Variants in ERBB4 observed in about 807,000 individuals in gnomAD.
The protein encoded by ERBB4 is receptor tyrosine-protein kinase erbB-4.
A neutral mutation model predicts 158.0 loss-of-function variants in ERBB4; 42 were observed. That is an observed-to-expected ratio of 0.27 (90% confidence interval 0.21 to 0.34). ERBB4 has a LOEUF of 0.34. ERBB4 is among the 10% of genes least tolerant of loss of function. The pLI is 1.00. For synonymous variants in ERBB4, 583 were observed against 558.7 expected, an observed-to-expected ratio of 1.04 and a Z score of -0.61; for missense variants, 1,333 against 1,624.1, an observed-to-expected ratio of 0.82 and a Z score of 3.08.
At chr2:212,367,776 C>A (rs1205131351) in intron 1 of ERBB4, among the ~76,000 whole-genome samples, 1 of 151,904 alleles carries the variant, frequency 6.6e-6, no homozygotes, top group Non-Finnish European at 1.5e-5. Flanking sequence ...GAGCTAAGGG[C>A]ATGAATAGAC....
intron 2 of ERBB4, among the ~76,000 whole-genome samples, chr2:211,962,767 G>C (rs1433767536): frequency 6.6e-6 from 1 of 152,056 alleles, no homozygotes; most frequent in Non-Finnish European, 1.5e-5. Flanking sequence ...TGACTTACTG[G>C]ATGTGGGAAT....
intron 7 of ERBB4, among the ~76,000 whole-genome samples, chr2:211,720,057 C>T (rs572220067): frequency 4.7e-4 from 71 of 152,174 alleles, no homozygotes; most frequent in Non-Finnish European, 7.5e-4. Context: ...ATCTTGCATT[C>T]AACATCCAGT....
At chr2:211,643,051 C>T (rs923533313) in intron 16 of ERBB4, among the ~76,000 whole-genome samples, 2 of 152,098 alleles carry the variant, frequency 1.3e-5, no homozygotes, top group Non-Finnish European at 2.9e-5. Flanking sequence ...TTATCCCTCA[C>T]CCTCACCACA....
chr2:211,543,676 T>G (rs923927874), intron 20 of ERBB4, among the ~76,000 whole-genome samples: 1 of 151,892 alleles, frequency 6.6e-6, no homozygotes, highest in African/African-American at 2.4e-5. Context: ...GTATTTTGTA[T>G]CACAGTCCAT....
At chr2:212,272,570 G>T (rs1443923032) in intron 1 of ERBB4, among the ~76,000 whole-genome samples, 1 of 151,704 alleles carries the variant, frequency 6.6e-6, no homozygotes, top group East Asian at 1.9e-4. Context: ...AGAGTCACCT[G>T]ACCAACATCA....
At chr2:211,662,691 T>C (rs1001673285) in intron 15 of ERBB4, among the ~76,000 whole-genome samples, 3 of 152,240 alleles carry the variant, frequency 2.0e-5, no homozygotes, top group Admixed American at 6.5e-5. Flanking sequence ...AGTAAATAGA[T>C]GACCTATTTT....
At chr2:211,850,253 G>A (rs189748862) in intron 3 of ERBB4, among the ~76,000 whole-genome samples, 9 of 151,876 alleles carry the variant, frequency 5.9e-5, no homozygotes, top group Non-Finnish European at 1.3e-4. Flanking sequence ...TGTATTATAT[G>A]TTGAGTTTAG....
chr2:212,287,342 G>A (rs192553092), intron 1 of ERBB4, among the ~76,000 whole-genome samples: 1 of 152,220 alleles, frequency 6.6e-6, no homozygotes, highest in East Asian at 1.9e-4. Context: ...ATTTTTCACA[G>A]AGCTATAGGT....
At chr2:211,600,939 C>T (rs7559734) in intron 19 of ERBB4, among the ~76,000 whole-genome samples, 134,785 of 152,002 alleles carry the variant, frequency 0.89, 59,777 homozygotes, top group Admixed American at 0.91. Flanking sequence ...AATGGTCACA[C>T]ACCTGCTCAC....
chr2:211,423,796 C>T (rs931534974), intron 23 of ERBB4, among the ~76,000 whole-genome samples: 4 of 151,322 alleles, frequency 2.6e-5, no homozygotes, highest in African/African-American at 7.3e-5. Context: ...TGATATTTTC[C>T]CATAAAGGTC....
At chr2:211,619,068 C>T (rs1430363746) in intron 19 of ERBB4, 109 bp downstream of exon 19, 1 of 712,874 alleles carries the variant, frequency 1.4e-6, no homozygotes, top group Non-Finnish European at 2.5e-6. Flanking sequence ...ATAATATTTC[C>T]ATAAGAGAAA....
chr2:212,525,956 G>A (rs970011214), intron 1 of ERBB4, among the ~76,000 whole-genome samples: 1 of 151,904 alleles, frequency 6.6e-6, no homozygotes, highest in Non-Finnish European at 1.5e-5. Context: ...TTGAAACAAA[G>A]CTATTACTGA....
At chr2:212,092,288 A>G (rs564954529) in intron 2 of ERBB4, among the ~76,000 whole-genome samples, 23 of 152,340 alleles carry the variant, frequency 1.5e-4, no homozygotes, top group African/African-American at 5.0e-4. Flanking sequence ...TCATTTACAC[A>G]TCAGATATTA....
chr2:212,122,930 T>A (rs1293800507), intron 2 of ERBB4, among the ~76,000 whole-genome samples: 1 of 152,164 alleles, frequency 6.6e-6, no homozygotes, highest in Non-Finnish European at 1.5e-5. Flanking sequence ...TAGATTGCAT[T>A]TTAAAATTTT....
chr2:211,714,039 G>C (rs2073812397), intron 7 of ERBB4, among the ~76,000 whole-genome samples: 1 of 152,204 alleles, frequency 6.6e-6, no homozygotes. Context: ...AGCTTAAGTT[G>C]AACTGCCTTG....
chr2:212,234,236 G>C (rs973563218), intron 1 of ERBB4, among the ~76,000 whole-genome samples: 2 of 151,912 alleles, frequency 1.3e-5, no homozygotes, highest in Non-Finnish European at 2.9e-5. Context: ...TGCAGTGTTG[G>C]GTTTTCTGTT....
At chr2:212,195,874 T>C (rs2082412864) in intron 1 of ERBB4, among the ~76,000 whole-genome samples, 1 of 152,190 alleles carries the variant, frequency 6.6e-6, no homozygotes, top group Non-Finnish European at 1.5e-5. Flanking sequence ...TAGAGTTCTT[T>C]CCTTTATGTC....
At position 211,564,851 on chromosome 2, in the gene ERBB4, A is replaced by G. The variant is rs1016793432; in HGVS notation, c.2302-2763T>C. Among the ~76,000 whole-genome samples the G allele has an allele frequency of 1.4e-4, 22 of 152,342 alleles. No homozygotes were observed. The South Asian group carries it at 3.9e-3, about 27-fold the overall frequency. ...CAAATAGCTCTGGGAAAGGTGACCCAAGAAGATGGAATTGATAGAATGCCT... is the reference window on the plus strand; with the variant it reads ...CAAATAGCTCTGGGAAAGGTGACCCGAGAAGATGGAATTGATAGAATGCCT... On this transcript the variant is annotated intron_variant, in intron 19 of 27. Transcript: ENST00000342788.
chr2:212,360,227 G>T (rs1249364691), intron 1 of ERBB4, among the ~76,000 whole-genome samples: 1 of 151,648 alleles, frequency 6.6e-6, no homozygotes, highest in African/African-American at 2.4e-5. Context: ...GAGAATCTTA[G>T]AGGTTTCCAA....
Sources: allele counts gnomAD v4.1 joint callset (sites outside exome capture counted in the v4.1 genomes callset), GRCh38; gene constraint gnomAD v4.1.1; transcripts MANE v1.5; gene names NCBI Gene and HGNC (gene_info 2026-07-23, HGNC 2026-07-21).